Variants in PRKG1 observed in about 807,000 individuals in gnomAD.
PRKG1 encodes cGMP-dependent protein kinase 1.
In PRKG1, 35 loss-of-function variants were observed where a neutral mutation model predicts 88.1. The observed-to-expected ratio is 0.40, with a 90% CI of 0.30 to 0.53. PRKG1 has a LOEUF of 0.53. Ranked by LOEUF, PRKG1 falls within the 20% of genes least tolerant of loss-of-function variation. PRKG1 has a pLI of 0.59. For missense variants in PRKG1, 540 were observed against 839.8 expected (o/e 0.64, Z 4.41); for synonymous variants, 303 against 292.5 (o/e 1.04, Z -0.37).
intron 2 of PRKG1, among the ~76,000 whole-genome samples, chr10:51,235,042 A>G (rs139782818): frequency 9.5e-4 from 145 of 152,312 alleles, no homozygotes; most frequent in African/African-American, 3.2e-3. Context: ...CATTCAAGCC[A>G]GTACTTTCCG....
chr10:51,774,561 C>T (rs1316094573), intron 3 of PRKG1, among the ~76,000 whole-genome samples: 2 of 151,994 alleles, frequency 1.3e-5, no homozygotes, highest in Non-Finnish European at 2.9e-5. Flanking sequence ...TATGCTTACT[C>T]TTCACACAAT....
At chr10:51,104,967 G>C (rs1393640152) in intron 1 of PRKG1, among the ~76,000 whole-genome samples, 1 of 152,014 alleles carries the variant, frequency 6.6e-6, no homozygotes, top group Non-Finnish European at 1.5e-5. Flanking sequence ...CTCACCTCAA[G>C]TGATCACCCA....
chr10:51,566,999 A>C (rs1453099988), intron 3 of PRKG1, among the ~76,000 whole-genome samples: 3 of 152,064 alleles, frequency 2.0e-5, no homozygotes, highest in East Asian at 1.9e-4. Context: ...TATGTTAATT[A>C]GTTTAATTGT....
At chr10:51,595,821 T>G (rs1315765894) in intron 3 of PRKG1, among the ~76,000 whole-genome samples, 1 of 151,972 alleles carries the variant, frequency 6.6e-6, no homozygotes, top group African/African-American at 2.4e-5. Context: ...TTAGTACTTA[T>G]GTAATTTTTG....
At chr10:51,167,916 C>G (rs1846593163) in intron 2 of PRKG1, among the ~76,000 whole-genome samples, 1 of 152,078 alleles carries the variant, frequency 6.6e-6, no homozygotes, top group Non-Finnish European at 1.5e-5. Context: ...GTTCTGCTGA[C>G]TAAACCAGGC....
Position 52,133,847 on chromosome 10 carries a change from G to A in PRKG1, c.943G>A (p.Val315Met). 1.2e-6 allele frequency: 2 copies of A among 1,612,822 alleles called. No homozygotes were observed. Among genetic ancestry groups the A allele is most frequent in the Non-Finnish European group, 1.7e-6 (2 of 1,179,110 alleles). ...TCTCTATTTTTCACATAGGGAAGAT[G>A]TGAGAACAGCAAACGTAATTGCTGC... The part of the protein sequence containing the change: ...FGEKALQGED[V>M]RTANVIAAEA... The change falls in exon 8 of 18, where the codon GTG becomes ATG. Residue 315 changes from valine to methionine, a missense_variant. By Grantham distance (21) the Val-to-Met change is conservative. This residue lies in a region of PRKG1 where 400 missense variants were observed against 562.7 expected (regional missense o/e 0.71). Transcript: ENST00000373980.
rs1022178921 is a variant in PRKG1, at chr10:52,080,450, CA to C, written c.935+17828del. On this transcript the variant is annotated intron_variant, in intron 7 of 17. Coordinates refer to ENST00000373980, the MANE Select transcript of PRKG1 (RefSeq NM_006258.4). The stretch of plus-strand genomic sequence containing the variant: ...AATTATTTTGTTACATTTTTCAATG[CA>C]AAAAAAAACTTCGTAAAGATGGTAA... Among the ~76,000 whole-genome samples, 3 of 150,684 alleles carry C rather than the reference CA, an allele frequency of 2.0e-5. No individual in the cohort carries two copies. The East Asian group carries it at 5.8e-4, about 29-fold the overall frequency.
intron 7 of PRKG1, among the ~76,000 whole-genome samples, chr10:52,088,715 AAGTAAATTCC>A (rs1210880708): frequency 6.6e-5 from 10 of 152,206 alleles, no homozygotes; most frequent in African/African-American, 2.4e-4. Context: ...GAACTGTAAG[AAGTAAATTCC>A]AGTCTCAGGT....
chr10:51,654,904 T>A (rs1840126155), intron 3 of PRKG1, among the ~76,000 whole-genome samples: 1 of 152,200 alleles, frequency 6.6e-6, no homozygotes, highest in South Asian at 2.1e-4. Flanking sequence ...TGGGTGCATG[T>A]CTTCTTGTTA....
intron 9 of PRKG1, among the ~76,000 whole-genome samples, chr10:52,218,609 C>T (rs935777942): frequency 1.3e-5 from 2 of 152,038 alleles, no homozygotes; most frequent in African/African-American, 4.8e-5. Context: ...GTCTTAACTT[C>T]TAAACAATTT....
intron 2 of PRKG1, among the ~76,000 whole-genome samples, chr10:51,406,689 A>G (rs1837929855): frequency 6.7e-6 from 1 of 150,328 alleles, no homozygotes. Flanking sequence ...TCATTTCAGC[A>G]TGTGCAACAA....
intron 4 of PRKG1, among the ~76,000 whole-genome samples, chr10:51,840,914 T>G (rs1002538614): frequency 6.6e-6 from 1 of 152,158 alleles, no homozygotes; most frequent in Admixed American, 6.5e-5. Flanking sequence ...AAACAAACAC[T>G]AAATTTCAGT....
At chr10:51,074,317 GTC>G, upstream of PRKG1, 1 of 540,136 alleles carries the variant, frequency 1.9e-6, no homozygotes, top group East Asian at 4.5e-5. Flanking sequence ...CGCCCACCGC[GTC>G]TCAGGTTTAA....
chr10:51,149,773 A>T (rs911036225), intron 1 of PRKG1, among the ~76,000 whole-genome samples: 1 of 152,076 alleles, frequency 6.6e-6, no homozygotes, highest in Admixed American at 6.6e-5. Flanking sequence ...GGAACTTTGC[A>T]AACAGGTTGA....
intron 5 of PRKG1, chr10:51,908,734 A>ATATTTTTTT (rs563212069): frequency 7.1e-4 from 37 of 52,230 alleles, no homozygotes; most frequent in African/African-American, 1.7e-3. Context: ...TCTATATGTA[A>ATATTTTTTT]TTTTTTTTTT....
intron 2 of PRKG1, among the ~76,000 whole-genome samples, chr10:51,244,299 CCT>C (rs1388823494): frequency 2.1e-5 from 3 of 145,938 alleles, no homozygotes; most frequent in African/African-American, 7.7e-5. Flanking sequence ...AGGAATATTC[CCT>C]TTCTTCCTTT....
At chr10:51,511,550 A>G (rs187203236) in intron 3 of PRKG1, among the ~76,000 whole-genome samples, 1 of 152,354 alleles carries the variant, frequency 6.6e-6, no homozygotes, top group East Asian at 1.9e-4. Flanking sequence ...ACTCATAAAA[A>G]AAGAATATCC....
chr10:51,145,412 G>C (rs886720016), intron 1 of PRKG1, among the ~76,000 whole-genome samples: 3 of 152,096 alleles, frequency 2.0e-5, no homozygotes, highest in Admixed American at 2.0e-4. Flanking sequence ...AATAGAGTTA[G>C]TTCTTAATAG....
At chr10:51,212,872 G>A (rs1017712991) in intron 2 of PRKG1, among the ~76,000 whole-genome samples, 2 of 152,208 alleles carry the variant, frequency 1.3e-5, no homozygotes, top group Admixed American at 6.5e-5. Context: ...TGGTGGGACT[G>A]TAAACTAGTT....
Sources: gnomAD v4.1 joint callset for allele counts (sites outside exome capture counted in the v4.1 genomes callset) on GRCh38, gnomAD v4.1.1 for gene constraint, gnomAD v4.1.1 regional missense constraint, MANE v1.5 for transcripts, NCBI Gene and HGNC (gene_info 2026-07-23, HGNC 2026-07-21) for gene names.